The following IGSF10 variants were observed in gnomAD, a reference collection of about 807,000 sequenced individuals.
IGSF10 encodes the protein immunoglobulin superfamily member 10, also known as calvaria mechanical force protein 608.
In IGSF10, 126 loss-of-function variants were observed where a neutral mutation model predicts 128.2. The ratio of observed to expected loss-of-function variants is 0.98; its 90% confidence interval spans 0.85 to 1.14. The LOEUF is 1.14. Ranked by LOEUF, IGSF10 falls within the 50% of genes most tolerant of loss-of-function variation. IGSF10 has a pLI of 0.00. For synonymous variants in IGSF10, 1,185 were observed against 1,146.2 expected, an observed-to-expected ratio of 1.03 and a Z score of -0.68; for missense variants, 3,295 against 3,149.8, an observed-to-expected ratio of 1.05 and a Z score of -1.10.
chr3:151,497,242 T>G, the IGSF10 span, among the ~76,000 whole-genome samples: 1 of 152,230 alleles, frequency 6.6e-6, no homozygotes, highest in Non-Finnish European at 1.5e-5. Flanking sequence ...AGACATGAAG[T>G]CCTAGCCCAT....
chr3:151,604,568 TTA>T, the IGSF10 span, among the ~76,000 whole-genome samples: 12 of 148,768 alleles, frequency 8.1e-5, no homozygotes, highest in Non-Finnish European at 1.8e-4. Flanking sequence ...TATATTAGGA[TTA>T]TATATATATT....
the IGSF10 span, among the ~76,000 whole-genome samples, chr3:151,493,849 TAAAA>T: frequency 1.9e-5 from 1 of 51,294 alleles, no homozygotes; most frequent in African/African-American, 7.7e-5. Context: ...GGTTTTTGTT[TAAAA>T]AACAAACAAA....
downstream of IGSF10, chr3:151,435,083 C>CAAATGCA (rs1719979553): frequency 9.7e-6 from 1 of 102,672 alleles, no homozygotes; most frequent in African/African-American, 4.6e-5. Flanking sequence ...TTTTTTTTTT[C>CAAATGCA]TTTTCTTGCA....
the IGSF10 span, among the ~76,000 whole-genome samples, chr3:151,569,041 T>C: frequency 6.6e-6 from 1 of 152,120 alleles, no homozygotes; most frequent in African/African-American, 2.4e-5. Context: ...GCCACCAGCA[T>C]TTCTATTGCA....
Position 151,447,071 on chromosome 3 carries a change from A to C in IGSF10, c.2910T>G (p.Tyr970Ter). The C allele has an allele frequency of 6.2e-7, 1 of 1,614,186 alleles. No homozygotes were observed. The highest frequency in any genetic ancestry group is 8.5e-7 in the Non-Finnish European group (1 of 1,179,988). ...TGCTAAGTATTTGAGTAGTGTGAGA[A>C]TAGAAGTGATTGTGCCTGGGTTCAC... ...EVSEPRHNHF[Y>*]SHTTQILSTS... The change falls in exon 6 of 8, where the codon TAT (tyrosine) becomes TAG (stop). Residue 970 changes from tyrosine (Y) to a stop codon, truncating the protein, a stop_gained. Coordinates refer to ENST00000282466, the MANE Select transcript of IGSF10 (RefSeq NM_178822.5). LOFTEE classifies it high-confidence loss of function.
the IGSF10 span, among the ~76,000 whole-genome samples, chr3:151,567,888 G>C: frequency 6.6e-6 from 1 of 152,148 alleles, no homozygotes; most frequent in Non-Finnish European, 1.5e-5. Flanking sequence ...CGACTTCCCT[G>C]CATTGCTGTG....
At chr3:151,474,321 TAAAG>T in the IGSF10 span, among the ~76,000 whole-genome samples, 4 of 152,174 alleles carry the variant, frequency 2.6e-5, no homozygotes, top group African/African-American at 7.2e-5. Context: ...CCAAATACCT[TAAAG>T]AAATCTCTCA....
chr3:151,459,990 GACC>G (rs760203531), intron 2 of IGSF10, among the ~76,000 whole-genome samples: 2 of 152,180 alleles, frequency 1.3e-5, no homozygotes, highest in Non-Finnish European at 2.9e-5. Flanking sequence ...TTAATCATAT[GACC>G]ACTTTTGCCA....
At chr3:151,557,653 G>A in the IGSF10 span, among the ~76,000 whole-genome samples, 11 of 152,054 alleles carry the variant, frequency 7.2e-5, no homozygotes, top group South Asian at 2.1e-3. Flanking sequence ...TGGCTTTAAG[G>A]ATTCCATTAG....
chr3:151,491,633 A>C, the IGSF10 span, among the ~76,000 whole-genome samples: 1 of 152,194 alleles, frequency 6.6e-6, no homozygotes, highest in African/African-American at 2.4e-5. Context: ...GAAATACACC[A>C]GTAGCAAGAG....
intron 4 of IGSF10, among the ~76,000 whole-genome samples, chr3:151,454,099 C>T (rs1222312157): frequency 6.7e-6 from 1 of 150,038 alleles, no homozygotes; most frequent in African/African-American, 2.5e-5. Flanking sequence ...CTTACTGCAA[C>T]CTCCGCCTCC....
At chr3:151,497,690 C>T in the IGSF10 span, among the ~76,000 whole-genome samples, 13 of 151,828 alleles carry the variant, frequency 8.6e-5, no homozygotes, top group Admixed American at 3.9e-4. Context: ...AACTTTAAAG[C>T]AGTTTTTTTC....
chr3:151,505,340 T>C, the IGSF10 span, among the ~76,000 whole-genome samples: 1 of 152,120 alleles, frequency 6.6e-6, no homozygotes, highest in Admixed American at 6.6e-5. Context: ...TCAGATCTCG[T>C]GAGGACTTAC....
At chr3:151,495,042 G>A in the IGSF10 span, among the ~76,000 whole-genome samples, 246 of 152,262 alleles carry the variant, frequency 1.6e-3, 1 homozygote, top group Middle Eastern at 3.4e-3. Flanking sequence ...TGGTCTGGTT[G>A]TACATACTAC....
At chr3:151,566,260 TGATA>T in the IGSF10 span, among the ~76,000 whole-genome samples, 50 of 151,968 alleles carry the variant, frequency 3.3e-4, no homozygotes, top group African/African-American at 1.2e-3. Context: ...ACCCCACAAA[TGATA>T]GATTAGGAAA....
the IGSF10 span, among the ~76,000 whole-genome samples, chr3:151,600,458 TA>T: frequency 6.6e-6 from 1 of 152,196 alleles, no homozygotes. Flanking sequence ...TATATTCCCT[TA>T]GTCAATTAAT....
At chr3:151,557,290 T>G in the IGSF10 span, among the ~76,000 whole-genome samples, 1 of 151,916 alleles carries the variant, frequency 6.6e-6, no homozygotes, top group African/African-American at 2.4e-5. Context: ...GTAAATAAAT[T>G]TAAGAGAGGT....
chr3:151,565,306 C>T, the IGSF10 span, among the ~76,000 whole-genome samples: 3 of 152,116 alleles, frequency 2.0e-5, no homozygotes, highest in Non-Finnish European at 2.9e-5. Context: ...TTTATAGGCC[C>T]AGAAACCATA....
At chr3:151,515,722 CGTGTGTGT>C in the IGSF10 span, among the ~76,000 whole-genome samples, 2,960 of 146,884 alleles carry the variant, frequency 0.02, 28 homozygotes, top group Middle Eastern at 0.032. Context: ...AATTATATTA[CGTGTGTGT>C]GTGTGTGTGT....
Sources: gnomAD v4.1 joint callset for allele counts (sites outside exome capture counted in the v4.1 genomes callset) on GRCh38, gnomAD v4.1.1 for gene constraint, MANE v1.5 for transcripts, NCBI Gene and HGNC (gene_info 2026-07-23, HGNC 2026-07-21) for gene names.